Variants in DAB1 observed in about 807,000 individuals in gnomAD.
The protein encoded by DAB1 is DAB adaptor protein 1, also known as disabled homolog 1.
A neutral mutation model predicts 64.6 loss-of-function variants in DAB1; 15 were observed. The observed-to-expected ratio is 0.23, with a 90% CI of 0.16 to 0.36. DAB1 has a LOEUF of 0.36. DAB1 is among the 10% of genes least tolerant of loss of function. The pLI is 1.00. For missense variants in DAB1, 596 were observed against 706.7 expected (o/e 0.84, Z 1.78); for synonymous variants, 235 against 251.9 (o/e 0.93, Z 0.64).
chr1:57,091,019 C>A (rs1314513710), intron 4 of DAB1, among the ~76,000 whole-genome samples: 1 of 152,092 alleles, frequency 6.6e-6, no homozygotes, highest in African/African-American at 2.4e-5. Context: ...ATCCCTCACC[C>A]CGCCCCACCC....
rs1006295870 is a variant in DAB1 at position 58,244,378 on chromosome 1, C to T, written n.310-93790G>A. 2.0e-5 allele frequency among the ~76,000 whole-genome samples: 3 copies of T among 152,148 alleles called. No homozygotes were observed. In the East Asian group the frequency reaches 5.8e-4, roughly 29 times the overall value. ...GGGCACAGGCTACTCATGCTCAAATCCCAGCTCTACTTTTAAGCTGTGCCT... is the reference window on the plus strand; with the variant it reads ...GGGCACAGGCTACTCATGCTCAAATTCCAGCTCTACTTTTAAGCTGTGCCT... On this transcript the variant is annotated intron_variant and non_coding_transcript_variant, in intron 4 of 20. Coordinates refer to the DAB1 transcript ENST00000485760.
At chr1:58,033,293 C>T (rs1646997050) in intron 5 of DAB1, among the ~76,000 whole-genome samples, 1 of 152,174 alleles carries the variant, frequency 6.6e-6, no homozygotes, top group Admixed American at 6.5e-5. Flanking sequence ...AGAAGCCCCT[C>T]ACTACAGGAC....
At chr1:57,366,847 A>C (rs1680038375) in intron 1 of DAB1, among the ~76,000 whole-genome samples, 1 of 151,998 alleles carries the variant, frequency 6.6e-6, no homozygotes, top group Non-Finnish European at 1.5e-5. Context: ...TTTAACCTCC[A>C]TGCTGTTCTG....
chr1:58,069,485 A>C (rs916632285), intron 5 of DAB1, among the ~76,000 whole-genome samples: 5 of 152,224 alleles, frequency 3.3e-5, no homozygotes, highest in African/African-American at 9.6e-5. Context: ...GAATACATAC[A>C]TAACCAATCC....
intron 2 of DAB1, among the ~76,000 whole-genome samples, chr1:57,203,822 G>A (rs1429490581): frequency 1.3e-5 from 2 of 152,276 alleles, no homozygotes; most frequent in African/African-American, 2.4e-5. Context: ...CGGACAACTG[G>A]CCTAGACAAG....
chr1:57,961,267 C>T (rs1039956721), intron 5 of DAB1, among the ~76,000 whole-genome samples: 1 of 152,098 alleles, frequency 6.6e-6, no homozygotes, highest in African/African-American at 2.4e-5. Flanking sequence ...TATGTGTCTA[C>T]ATATACATAT....
chr1:57,200,320 A>G (rs1362911860), intron 2 of DAB1, among the ~76,000 whole-genome samples: 1 of 152,226 alleles, frequency 6.6e-6, no homozygotes, highest in Non-Finnish European at 1.5e-5. Context: ...GCACTATTCT[A>G]GGCATGATGG....
chr1:57,094,589 C>A (rs1653988000), intron 4 of DAB1, among the ~76,000 whole-genome samples: 1 of 152,324 alleles, frequency 6.6e-6, no homozygotes, highest in Middle Eastern at 3.4e-3. Flanking sequence ...TACAATTACA[C>A]ATTCACTTCC....
At chr1:58,106,869 C>CCCTTT in intron 5 of DAB1, among the ~76,000 whole-genome samples, 1 of 92,056 alleles carries the variant, frequency 1.1e-5, no homozygotes. Flanking sequence ...CTCCCTCCTT[C>CCCTTT]CTCCTTCCCT....
intron 4 of DAB1, among the ~76,000 whole-genome samples, chr1:58,276,962 G>A (rs1389100049): frequency 2.0e-5 from 3 of 151,458 alleles, no homozygotes; most frequent in Non-Finnish European, 2.9e-5. Context: ...AGTTTGCAGA[G>A]ACCCTGTACA....
At chr1:57,183,278 A>T (rs1362974022) in intron 2 of DAB1, among the ~76,000 whole-genome samples, 2 of 152,210 alleles carry the variant, frequency 1.3e-5, no homozygotes, top group Non-Finnish European at 2.9e-5. Flanking sequence ...AGACCATATC[A>T]CAAGGCAGAG....
chr1:57,075,463 C>T (rs1033107611), intron 4 of DAB1, among the ~76,000 whole-genome samples: 1 of 152,118 alleles, frequency 6.6e-6, no homozygotes, highest in African/African-American at 2.4e-5. Flanking sequence ...CTCATTCATT[C>T]GGAAATAAGA....
chr1:57,469,323 A>C (rs1687062627), intron 7 of DAB1, among the ~76,000 whole-genome samples: 1 of 152,160 alleles, frequency 6.6e-6, no homozygotes, highest in South Asian at 2.1e-4. Flanking sequence ...GAACCTAGAG[A>C]CTGCATGACT....
At chr1:57,858,010 T>C (rs1653839234) in intron 1 of DAB1, among the ~76,000 whole-genome samples, 2 of 150,746 alleles carry the variant, frequency 1.3e-5, no homozygotes, top group Admixed American at 1.3e-4. Flanking sequence ...ACACAGCTAA[T>C]AGTGAGAGAA....
At chr1:57,300,219 T>A (rs116484994) in intron 1 of DAB1, among the ~76,000 whole-genome samples, 2,216 of 152,318 alleles carry the variant, frequency 0.015, 61 homozygotes, top group African/African-American at 0.05. Context: ...GATAGACCAC[T>A]GTTCTAGATG....
At chr1:57,773,923 G>A (rs1649677337) in intron 6 of DAB1, among the ~76,000 whole-genome samples, 1 of 151,942 alleles carries the variant, frequency 6.6e-6, no homozygotes, top group African/African-American at 2.4e-5. Context: ...TTGAAATAAG[G>A]TATCGTAAGT....
chr1:57,158,619 T>C (rs1267648413), intron 2 of DAB1, among the ~76,000 whole-genome samples: 1 of 152,206 alleles, frequency 6.6e-6, no homozygotes, highest in East Asian at 1.9e-4. Context: ...TAACTTATTT[T>C]ACTCTAAATT....
At chr1:57,056,799 G>A (rs1570607646) in intron 9 of DAB1, among the ~76,000 whole-genome samples, 1 of 152,088 alleles carries the variant, frequency 6.6e-6, no homozygotes, top group Non-Finnish European at 1.5e-5. Flanking sequence ...AGGAAGCGGA[G>A]GCTGTAATGA....
At chr1:57,921,422 T>C (rs1202815) in intron 5 of DAB1, among the ~76,000 whole-genome samples, 107,751 of 151,996 alleles carry the variant, frequency 0.71, 39,552 homozygotes, top group African/African-American at 0.9. Flanking sequence ...CACAGAAATA[T>C]AAGCATCATA....
Sources: allele counts gnomAD v4.1 joint callset (sites outside exome capture counted in the v4.1 genomes callset), GRCh38; gene constraint gnomAD v4.1.1; transcripts MANE v1.5; gene names NCBI Gene and HGNC (gene_info 2026-07-23, HGNC 2026-07-21).